Variants in ROBO2 observed in about 807,000 individuals in gnomAD.
The protein encoded by ROBO2 is roundabout guidance receptor 2, also known as roundabout homolog 2.
A neutral mutation model predicts 160.8 loss-of-function variants in ROBO2; 53 were observed. That is an observed-to-expected ratio of 0.33 (90% CI 0.26 to 0.41). ROBO2 has a LOEUF of 0.41. ROBO2 is among the 10% of genes least tolerant of loss of function. The probability of loss-of-function intolerance (pLI) is 1.00; values close to 1 mark genes in which losing one functional copy is unlikely to be tolerated. For missense variants in ROBO2, 1,577 were observed against 1,722.4 expected (o/e 0.92, Z 1.49); for synonymous variants, 664 against 611.7 (o/e 1.09, Z -1.26).
At chr3:77,464,106 CT>C (rs2082520106) in intron 2 of ROBO2, among the ~76,000 whole-genome samples, 1 of 152,070 alleles carries the variant, frequency 6.6e-6, no homozygotes, top group African/African-American at 2.4e-5. Context: ...AAGACAAAGG[CT>C]TTTTTTAAAC....
At chr3:76,126,941 CTTG>C (rs1357288666) in intron 2 of ROBO2, among the ~76,000 whole-genome samples, 3 of 152,060 alleles carry the variant, frequency 2.0e-5, no homozygotes, top group East Asian at 1.9e-4. Context: ...TGCTTAATAT[CTTG>C]TTGTGAGATG....
At chr3:77,413,287 T>C (rs2076951271) in intron 2 of ROBO2, among the ~76,000 whole-genome samples, 1 of 151,432 alleles carries the variant, frequency 6.6e-6, no homozygotes, top group South Asian at 2.1e-4. Context: ...GGACAGAAAA[T>C]GTTCTAGAAA....
intron 2 of ROBO2, among the ~76,000 whole-genome samples, chr3:76,918,762 G>A (rs1277937258): frequency 6.6e-6 from 1 of 152,174 alleles, no homozygotes; most frequent in Non-Finnish European, 1.5e-5. Flanking sequence ...CACAATGGCT[G>A]AAATAATTTA....
At chr3:77,406,820 T>C (rs982325251) in intron 2 of ROBO2, among the ~76,000 whole-genome samples, 3 of 152,228 alleles carry the variant, frequency 2.0e-5, no homozygotes, top group Non-Finnish European at 4.4e-5. Context: ...TGAATTATTT[T>C]ATGCTTCTTT....
intron 2 of ROBO2, among the ~76,000 whole-genome samples, chr3:76,657,793 CAT>C (rs1305114028): frequency 7.0e-6 from 1 of 142,340 alleles, no homozygotes; most frequent in African/African-American, 2.6e-5. Flanking sequence ...TATATATGTT[CAT>C]ATATATGTGT....
intron 2 of ROBO2, among the ~76,000 whole-genome samples, chr3:76,138,393 G>A (rs1282474666): frequency 6.6e-6 from 1 of 151,890 alleles, no homozygotes; most frequent in African/African-American, 2.4e-5. Context: ...GATTCTAAAT[G>A]CACATGCTTT....
chr3:76,137,435 T>C (rs1157398244), intron 2 of ROBO2, among the ~76,000 whole-genome samples: 1 of 152,024 alleles, frequency 6.6e-6, no homozygotes, highest in East Asian at 1.9e-4. Flanking sequence ...ATTTGATGAA[T>C]CCAATTTTTC....
intron 2 of ROBO2, among the ~76,000 whole-genome samples, chr3:77,173,590 A>G (rs1372005579): frequency 6.6e-6 from 1 of 151,990 alleles, no homozygotes; most frequent in Admixed American, 6.6e-5. Context: ...TATGACCCGC[A>G]ATTTCCTCAT....
At chr3:77,100,933 TC>T (rs1452772759) in intron 2 of ROBO2, among the ~76,000 whole-genome samples, 1 of 152,150 alleles carries the variant, frequency 6.6e-6, no homozygotes, top group Non-Finnish European at 1.5e-5. Context: ...TGAAAGACCA[TC>T]CAGGTAGAAA....
At chr3:76,662,706 A>C (rs1252133833) in intron 2 of ROBO2, among the ~76,000 whole-genome samples, 1 of 152,194 alleles carries the variant, frequency 6.6e-6, no homozygotes, top group Admixed American at 6.5e-5. Context: ...AGGAGAGAGA[A>C]GGAAATGCAG....
intron 2 of ROBO2, among the ~76,000 whole-genome samples, chr3:76,939,123 G>C (rs2077976631): frequency 6.6e-6 from 1 of 152,094 alleles, no homozygotes; most frequent in Non-Finnish European, 1.5e-5. Context: ...GATATAATGA[G>C]TTACAGCTGC....
At chr3:76,433,569 CAAGTA>C (rs1218918723) in intron 2 of ROBO2, among the ~76,000 whole-genome samples, 2 of 152,038 alleles carry the variant, frequency 1.3e-5, no homozygotes, top group Non-Finnish European at 2.9e-5. Context: ...ATAAGTGCGT[CAAGTA>C]AAGTAGGTCA....
chr3:76,250,355 C>T (rs1245418688), intron 2 of ROBO2, among the ~76,000 whole-genome samples: 2 of 152,020 alleles, frequency 1.3e-5, no homozygotes, highest in Admixed American at 6.6e-5. Flanking sequence ...TTTTATTTTG[C>T]ATATTTATTG....
At chr3:76,176,207 C>G (rs576558899) in intron 2 of ROBO2, among the ~76,000 whole-genome samples, 1 of 152,072 alleles carries the variant, frequency 6.6e-6, no homozygotes, top group African/African-American at 2.4e-5. Flanking sequence ...TTCCTCCATG[C>G]AAGCCCATCT....
chr3:77,004,020 T>C (rs1233596341), intron 2 of ROBO2, among the ~76,000 whole-genome samples: 1 of 152,118 alleles, frequency 6.6e-6, no homozygotes, highest in Non-Finnish European at 1.5e-5. Flanking sequence ...TATACAGAAA[T>C]GTATGCTCAC....
At chr3:76,655,683 G>C (rs2091483537) in intron 2 of ROBO2, among the ~76,000 whole-genome samples, 2 of 147,594 alleles carry the variant, frequency 1.4e-5, no homozygotes, top group South Asian at 4.5e-4. Context: ...GAAAGAGAGG[G>C]GCAGGTAGGC....
At chr3:77,574,772 C>A in intron 14 of ROBO2, 42 bp downstream of exon 15, 1 of 1,447,894 alleles carries the variant, frequency 6.9e-7, no homozygotes, top group Non-Finnish European at 9.7e-7. Context: ...CATGATGAAA[C>A]CAATTTCTGT....
chr3:77,183,578 T>C lies in ROBO2; in HGVS notation c.388+85238T>C, dbSNP rs533728981. 8.5e-5 allele frequency among the ~76,000 whole-genome samples: 13 copies of C among 152,124 alleles called. No individual in the cohort carries two copies. In the South Asian group the frequency reaches 2.3e-3, roughly 27 times the overall value. On this transcript the variant is annotated intron_variant, in intron 2 of 25. Transcript: ENST00000461745. ...CAGAGGCCTTAGAAAGAACCAACCC[T>C]GCTGACCCCTTGATCTTGAACTTCT...
chr3:77,445,784 G>GTTTTTTTTGTTTTTTT (rs1560854241), intron 2 of ROBO2, among the ~76,000 whole-genome samples: 1 of 107,746 alleles, frequency 9.3e-6, no homozygotes, highest in African/African-American at 3.1e-5. Context: ...CAATTAAAAG[G>GTTTTTTTTGTTTTTTT]TTTTTTTTTG....
Sources: allele counts gnomAD v4.1 joint callset (sites outside exome capture counted in the v4.1 genomes callset), GRCh38; gene constraint gnomAD v4.1.1; transcripts MANE v1.5; gene names NCBI Gene and HGNC (gene_info 2026-07-23, HGNC 2026-07-21).